Variants in C12orf50 observed in about 807,000 individuals in gnomAD.
C12orf50 encodes the protein zinc finger CCCH-type containing 11D.
In C12orf50, 35 loss-of-function variants were observed where a neutral mutation model predicts 61.6. The ratio of observed to expected loss-of-function variants is 0.57; its 90% CI spans 0.43 to 0.75. The LOEUF is 0.75. Ranked by LOEUF, C12orf50 falls within the 30% of genes least tolerant of loss-of-function variation. The pLI is 0.00. For synonymous variants in C12orf50, 178 were observed against 161.5 expected (o/e 1.10, Z -0.77); for missense variants, 475 against 488.5 (o/e 0.97, Z 0.26).
chr12:88,004,779 T>A (rs564105997), intron 3 of C12orf50, among the ~76,000 whole-genome samples: 18 of 152,070 alleles, frequency 1.2e-4, no homozygotes, highest in Non-Finnish European at 2.1e-4. Context: ...ACTGACACAG[T>A]AATAGAAAAC....
At chr12:87,993,632 G>T (rs1187197933) in intron 7 of C12orf50, among the ~76,000 whole-genome samples, 1 of 152,110 alleles carries the variant, frequency 6.6e-6, no homozygotes, top group Non-Finnish European at 1.5e-5. Context: ...ACAGCAGAAA[G>T]TATCACCAAT....
chr12:88,025,867 C>T (rs2032685305), intron 3 of C12orf50, among the ~76,000 whole-genome samples: 1 of 152,198 alleles, frequency 6.6e-6, no homozygotes, highest in Non-Finnish European at 1.5e-5. Flanking sequence ...AAGGTTCTTA[C>T]CATTCACTGG....
chr12:88,014,392 C>T (rs1456422569), intron 3 of C12orf50, among the ~76,000 whole-genome samples: 1 of 152,140 alleles, frequency 6.6e-6, no homozygotes, highest in African/African-American at 2.4e-5. Context: ...AGCTCTGCCT[C>T]CCAGGTTCAT....
chr12:88,005,030 T>C (rs1426647945), intron 3 of C12orf50, among the ~76,000 whole-genome samples: 1 of 152,090 alleles, frequency 6.6e-6, no homozygotes, highest in Non-Finnish European at 1.5e-5. Flanking sequence ...CCTGTACCCC[T>C]GAAGTCAAAA....
At position 87,998,092 on chromosome 12, in the gene C12orf50, G is replaced by T. The variant is rs1289929340; in HGVS notation, c.232C>A (p.His78Asn). Residue 78 changes from histidine (H) to asparagine (N), a missense_variant, in exon 4 of 13, where the codon CAT becomes AAT. Coordinates refer to ENST00000298699, the MANE Select transcript of C12orf50 (RefSeq NM_152589.3). Reference sequence around the variant, plus strand: ...AAATTAGTTTTTAAAACTAAAGGATGGTGGATGGGTCGTGATATATTTTCC... The same window carrying T: ...AAATTAGTTTTTAAAACTAAAGGATTGTGGATGGGTCGTGATATATTTTCC... ...PQENISRPIHHPLVLKTNFEE... is the reference protein window; with the variant it reads ...PQENISRPIHNPLVLKTNFEE... 1 of 1,612,782 alleles carries T rather than the reference G, an allele frequency of 6.2e-7. No individual in the cohort carries two copies. Among genetic ancestry groups the T allele is most frequent in the Non-Finnish European group, 8.5e-7 (1 of 1,179,314 alleles).
Position 87,980,203 on chromosome 12 carries a change from C to A in C12orf50, c.*128G>T. 1 of 900,546 alleles carries A rather than the reference C, an allele frequency of 1.1e-6. No individual in the cohort carries two copies. The highest frequency in any genetic ancestry group is 1.5e-5 in the South Asian group (1 of 65,000). The allele number at this position is 900,546 out of a possible 1,614,324, so 55.8% of individuals were successfully genotyped here. On this transcript the variant is annotated 3_prime_UTR_variant, in exon 13 of 13. Coordinates refer to ENST00000298699, the MANE Select transcript of C12orf50 (RefSeq NM_152589.3). The stretch of plus-strand genomic sequence containing the variant: ...TTATTTTCAGAATTTGCATTTTTAT[C>A]ATCTTTGGCTATCCACTACATAACA...
At chr12:87,986,639 T>C (rs1343413635) in intron 9 of C12orf50, among the ~76,000 whole-genome samples, 1 of 152,188 alleles carries the variant, frequency 6.6e-6, no homozygotes, top group Non-Finnish European at 1.5e-5. Flanking sequence ...AATAAGTAGC[T>C]TTCCTCAAAG....
At chr12:88,009,993 G>GT (rs1328393412) in intron 3 of C12orf50, among the ~76,000 whole-genome samples, 2 of 151,976 alleles carry the variant, frequency 1.3e-5, no homozygotes, top group Non-Finnish European at 1.5e-5. Flanking sequence ...TATCTATTGT[G>GT]TGAGAGAGAA....
intron 1 of C12orf50, among the ~76,000 whole-genome samples, chr12:88,028,347 G>C (rs2032781811): frequency 6.6e-6 from 1 of 152,146 alleles, no homozygotes; most frequent in South Asian, 2.1e-4. Flanking sequence ...TTTCCTAACA[G>C]AGAGGAAACA....
At position 88,026,998 on chromosome 12, in the gene C12orf50, T is replaced by A. The variant is rs748778117; in HGVS notation, c.-36A>T. 3.1e-6 allele frequency: 5 copies of A among 1,613,962 alleles called. No homozygotes were observed. Among genetic ancestry groups the A allele is most frequent in the Non-Finnish European group, 4.2e-6 (5 of 1,179,938 alleles). ...CTGCAAAGTGGATCTAAACATTTCC[T>A]CTCTCTCCATAATGAGCACACAGTG... On this transcript the variant is annotated 5_prime_UTR_variant, in exon 2 of 13. Coordinates refer to ENST00000298699, the MANE Select transcript of C12orf50 (RefSeq NM_152589.3).
rs535444743 is a variant in C12orf50 at position 87,990,542 on chromosome 12, G to A, written c.593-1171C>T. ...TATAAAATACCAAAACAAACTGATT[G>A]GAAAACAACCCAATGCATGTGACTG... On this transcript the variant is annotated intron_variant, in intron 7 of 12. Coordinates refer to ENST00000298699, the MANE Select transcript of C12orf50 (RefSeq NM_152589.3). 4.6e-4 allele frequency among the ~76,000 whole-genome samples: 70 copies of A among 152,094 alleles called. 1 individual carries two copies. In the South Asian group the frequency reaches 0.013, roughly 29 times the overall value.
At position 88,022,136 on chromosome 12, in the gene C12orf50, C is replaced by T. The variant is rs544131331; in HGVS notation, c.133+4352G>A. Among the ~76,000 whole-genome samples, 3 of 151,108 alleles carry T rather than the reference C, an allele frequency of 2.0e-5. No homozygotes were observed. In the South Asian group the frequency reaches 6.3e-4, roughly 32 times the overall value. Reference sequence around the variant, plus strand: ...TCAAATTCAGCAGCACATCAAAAAGCTAATCCATCATGATCAAGTATGCCA... The same window carrying T: ...TCAAATTCAGCAGCACATCAAAAAGTTAATCCATCATGATCAAGTATGCCA... On this transcript the variant is annotated intron_variant, in intron 3 of 12. Transcript: ENST00000298699.
At chr12:88,023,666 CAA>C (rs61438235) in intron 3 of C12orf50, among the ~76,000 whole-genome samples, 22 of 85,952 alleles carry the variant, frequency 2.6e-4, no homozygotes, top group South Asian at 3.9e-4. Context: ...GACTCCATCT[CAA>C]AAAAAAAAAA....
chr12:87,995,702 C>T (rs1324914998), intron 6 of C12orf50, among the ~76,000 whole-genome samples: 2 of 151,798 alleles, frequency 1.3e-5, no homozygotes, highest in Admixed American at 6.6e-5. Context: ...TTTTTCTTCT[C>T]TGAGCAGTGC....
At chr12:88,024,499 G>A (rs1274306633) in intron 3 of C12orf50, among the ~76,000 whole-genome samples, 2 of 152,258 alleles carry the variant, frequency 1.3e-5, no homozygotes, top group East Asian at 3.9e-4. Flanking sequence ...GGAGCTGGAG[G>A]CCATCATCCT....
At chr12:88,025,278 TG>T (rs2032659500) in intron 3 of C12orf50, among the ~76,000 whole-genome samples, 1 of 152,122 alleles carries the variant, frequency 6.6e-6, no homozygotes, top group Non-Finnish European at 1.5e-5. Context: ...GGATGATTCA[TG>T]GTAAGAGCAG....
intron 1 of C12orf50, among the ~76,000 whole-genome samples, chr12:88,028,129 T>C (rs554988591): frequency 1.3e-5 from 2 of 152,192 alleles, no homozygotes; most frequent in South Asian, 4.1e-4. Context: ...TGAGCTATTA[T>C]TATTATTTAT....
chr12:88,014,612 A>G (rs914547972), intron 3 of C12orf50, among the ~76,000 whole-genome samples: 3 of 152,192 alleles, frequency 2.0e-5, no homozygotes, highest in Non-Finnish European at 2.9e-5. Context: ...ATACTTCTAG[A>G]GTCAGACAGC....
intron 9 of C12orf50, among the ~76,000 whole-genome samples, 154 bp downstream of exon 9, chr12:87,987,696 G>A (rs1175328994): frequency 2.0e-5 from 3 of 152,148 alleles, no homozygotes; most frequent in African/African-American, 7.2e-5. Flanking sequence ...GTCAGAGTTA[G>A]TTAGTAGAGG....
Sources: gnomAD v4.1 joint callset for allele counts (sites outside exome capture counted in the v4.1 genomes callset) on GRCh38, gnomAD v4.1.1 for gene constraint, MANE v1.5 for transcripts, NCBI Gene and HGNC (gene_info 2026-07-23, HGNC 2026-07-21) for gene names.